The following NDOR1 variants were observed in gnomAD, a reference collection of about 807,000 sequenced individuals.
NDOR1 encodes the protein NADPH-dependent diflavin oxidoreductase 1.
Under a neutral mutation model 67.2 loss-of-function variants are expected in NDOR1, and 61 were observed. The ratio of observed to expected loss-of-function variants is 0.91; its 90% CI spans 0.74 to 1.12. The LOEUF is 1.12. NDOR1 is among the 50% of genes most tolerant of loss of function. The pLI, the probability that NDOR1 is intolerant of heterozygous loss-of-function variation, is 0.00. For missense variants in NDOR1, 878 were observed against 802.8 expected (o/e 1.09, Z -1.13); for synonymous variants, 378 against 343.7 (o/e 1.10, Z -1.10).
Position 137,212,965 on chromosome 9 carries a change from C to A in NDOR1, c.311+366C>A. 3.5e-6 allele frequency: 1 copy of A among 288,324 alleles called. No individual in the cohort carries two copies. The highest frequency in any genetic ancestry group is 6.7e-6 in the Non-Finnish European group (1 of 148,880). The allele number at this position is 288,324 out of a possible 1,614,324, so 17.9% of individuals were successfully genotyped here. ...CCCAGAGGCCACCTCTGCCTTTTCT[C>A]CTGGGCATTTTCACAGTGCTCCTCT... On this transcript the variant is annotated intron_variant, in intron 3 of 13. Transcript: ENST00000684003. The surrounding 1 kb of genome is among the most constrained non-coding windows in gnomAD (Gnocchi z 4.3).
chr9:137,211,908 C>T (rs1057192723), intron 2 of NDOR1, among the ~76,000 whole-genome samples: 4 of 152,078 alleles, frequency 2.6e-5, no homozygotes, highest in South Asian at 2.1e-4. Context: ...GGGAGGACAC[C>T]GTGGAAGGCA....
Position 137,205,750 on chromosome 9 carries a change from C to T in NDOR1, c.-28C>T, listed in dbSNP as rs749312179. 1 of 1,600,782 alleles carries T rather than the reference C, an allele frequency of 6.2e-7. No homozygotes were observed. The highest frequency in any genetic ancestry group is 1.1e-5 in the South Asian group (1 of 91,084). On this transcript the variant is annotated 5_prime_UTR_variant, in exon 1 of 14. Transcript: ENST00000684003. The stretch of plus-strand genomic sequence containing the variant: ...CGGGAACTGCCTTCTAGTTTTTAGT[C>T]TCAGACCAGACCACCGGGCGCACCC...
At position 137,216,307 on chromosome 9, in the gene NDOR1, C is replaced by T. The variant is rs767503630; in HGVS notation, c.1685C>T (p.Ala562Val). ...TCCATGCCAGCGGACGTCTCGGAAGCCCTGATGTCCATCTTCCAGGAGGAG... is the reference window on the plus strand; with the variant it reads ...TCCATGCCAGCGGACGTCTCGGAAGTCCTGATGTCCATCTTCCAGGAGGAG... The part of the protein sequence containing the change: ...AKSMPADVSE[A>V]LMSIFQEEGG... The change falls in exon 14 of 14, where the codon GCC becomes GTC. Residue 562 changes from alanine to valine, a missense_variant. By Grantham distance (64) the Ala-to-Val change is moderately conservative. Transcript: ENST00000684003. The T allele has an allele frequency of 2.3e-5, 37 of 1,612,318 alleles. No homozygotes were observed. Among genetic ancestry groups the T allele is most frequent in the Non-Finnish European group, 2.9e-5 (34 of 1,180,002 alleles).
chr9:137,216,376 T>C lies in NDOR1; in HGVS notation c.1754T>C (p.Leu585Pro). Residue 585 changes from leucine (L) to proline (P), a missense_variant, in exon 14 of 14, where the codon CTC becomes CCC. Physicochemically the swap from Leu to Pro is moderately conservative, Grantham distance 98. Coordinates refer to ENST00000684003, the MANE Select transcript of NDOR1 (RefSeq NM_014434.4). ...GACGCAGCCGCGTATCTAGCCAGGC[T>C]CCAGCAGACACGGCGCTTCCAGACA... ...SPDAAAYLARLQQTRRFQTET... is the reference protein window; with the variant it reads ...SPDAAAYLARPQQTRRFQTET... The C allele has an allele frequency of 6.2e-7, 1 of 1,607,488 alleles. No homozygotes were observed. The highest frequency in any genetic ancestry group is 8.5e-7 in the Non-Finnish European group (1 of 1,179,876).
chr9:137,215,795 G>C lies in NDOR1; in HGVS notation c.1425G>C (p.Gln475His). Residue 475 changes from glutamine (Q) to histidine (H), a missense_variant, in exon 11 of 14, where the codon CAG becomes CAC. By Grantham distance (24) the Gln-to-His change is conservative (BLOSUM62 0). Coordinates refer to ENST00000684003, the MANE Select transcript of NDOR1 (RefSeq NM_014434.4). ...CAGCCATCCAGGAGCGTGTGGCCCA[G>C]GGCCAGACTGGTGAGCACCCAGGGT... is the stretch of plus-strand genomic sequence containing the variant. Reference protein sequence around the residue: ...FRAAIQERVAQGQTGNFLFFG... With the variant: ...FRAAIQERVAHGQTGNFLFFG... 2 of 1,597,044 alleles carry C rather than the reference G, an allele frequency of 1.3e-6. No homozygotes were observed. The highest frequency in any genetic ancestry group is 1.3e-5 in the African/African-American group (1 of 74,780).
chr9:137,213,510 C>T lies in NDOR1; in HGVS notation c.312-270C>T, dbSNP rs369421240. On this transcript the variant is annotated intron_variant, in intron 3 of 13. Coordinates refer to ENST00000684003, the MANE Select transcript of NDOR1 (RefSeq NM_014434.4). ...TGAGGGCCCATCAGTGGGACGAGGC[C>T]GCCTGCTCCCACCCACACAGGCTCA... Among the ~76,000 whole-genome samples the T allele has an allele frequency of 7.9e-5, 12 of 152,294 alleles. No individual in the cohort carries two copies. The East Asian group carries it at 1.2e-3, about 15-fold the overall frequency.
At chr9:137,210,449 G>T (rs539051979) in intron 2 of NDOR1, among the ~76,000 whole-genome samples, 1 of 151,594 alleles carries the variant, frequency 6.6e-6, no homozygotes, top group East Asian at 1.9e-4. Flanking sequence ...GGCTCAAGCA[G>T]TCTGCCTGCC....
chr9:137,208,964 A>T (rs907619981), intron 2 of NDOR1, among the ~76,000 whole-genome samples: 1 of 152,084 alleles, frequency 6.6e-6, no homozygotes, highest in Non-Finnish European at 1.5e-5. Flanking sequence ...CACTGCAAGC[A>T]CTGCCTCCCG....
In NDOR1 at chr9:137,212,952, C is replaced by T. The variant is rs1007655694; in HGVS notation, c.311+353C>T. 3.4e-6 allele frequency: 1 copy of T among 296,916 alleles called. No homozygotes were observed. Among genetic ancestry groups the T allele is most frequent in the East Asian group, 7.7e-5 (1 of 13,030 alleles). 18.4% of individuals were successfully genotyped at this position (296,916 alleles called of 1,614,324 possible). ...ATGCTCCTGCCACCCCAGAGGCCAC[C>T]TCTGCCTTTTCTCCTGGGCATTTTC... On this transcript the variant is annotated intron_variant, in intron 3 of 13. Transcript: ENST00000684003. This position sits in a 1 kb window ranked among gnomAD's most constrained non-coding sequence, Gnocchi z 4.3.
Position 137,218,999 on chromosome 9 carries a change from A to C in NDOR1, c.*2583A>C. 5.2e-6 allele frequency: 1 copy of C among 190,578 alleles called. No individual in the cohort carries two copies. Among genetic ancestry groups the C allele is most frequent in the Non-Finnish European group, 1.1e-5 (1 of 93,976 alleles). 11.8% of individuals were successfully genotyped at this position (190,578 alleles called of 1,614,324 possible). ...GGCCAGCTGAGCACAGCAGGCATGA[A>C]AGCAAACAGAGATACAGCAGTGAGT... On this transcript the variant is annotated 3_prime_UTR_variant, in exon 14 of 14. Coordinates refer to ENST00000684003, the MANE Select transcript of NDOR1 (RefSeq NM_014434.4).
At position 137,212,637 on chromosome 9, in the gene NDOR1, T is replaced by TGACC. The variant is rs763319231; in HGVS notation, c.311+38_311+39insGACC. The TGACC allele has an allele frequency of 6.4e-7, 1 of 1,573,850 alleles. No individual in the cohort carries two copies. Among genetic ancestry groups the TGACC allele is most frequent in the East Asian group, 2.2e-5 (1 of 44,606 alleles). ...TGGGACAGTGGGCGGACGGAACAGT[T>TGACC]CTGGGGGTCGAGCAACAGGTGTGCT... On this transcript the variant is annotated intron_variant, in intron 3 of 13. Coordinates refer to ENST00000684003, the MANE Select transcript of NDOR1 (RefSeq NM_014434.4). The surrounding 1 kb of genome is among the most constrained non-coding windows in gnomAD (Gnocchi z 4.3).
At chr9:137,206,209 C>CGT (rs749079765) in intron 1 of NDOR1, 23 bp from the exon 2 acceptor site, 71 of 1,613,542 alleles carry the variant, frequency 4.4e-5, no homozygotes, top group Non-Finnish European at 5.8e-5. Flanking sequence ...GGAGGTCTTA[C>CGT]GTGTGTGTGT....
At position 137,216,449 on chromosome 9, in the gene NDOR1, C is replaced by A; in HGVS notation, c.*33C>A. ...GGCTGCCCGTGCCCCCTCTGACAGC[C>A]ATCCTCCTGGGAGCCCAGGAAGGCA... On this transcript the variant is annotated 3_prime_UTR_variant, in exon 14 of 14. Transcript: ENST00000684003. The A allele has an allele frequency of 6.3e-7, 1 of 1,581,064 alleles. No homozygotes were observed. The highest frequency in any genetic ancestry group is 8.6e-7 in the Non-Finnish European group (1 of 1,166,634).
rs1038110636 is a variant in NDOR1, at chr9:137,216,567, C to G, written c.*151C>G. On this transcript the variant is annotated 3_prime_UTR_variant, in exon 14 of 14. Transcript: ENST00000684003. ...GCCAGCTCCCGAGCACAGCCGCACT[C>G]CTGTTGACCCTGGATCCCACCCTTT... 9.9e-7 allele frequency: 1 copy of G among 1,011,640 alleles called. No individual in the cohort carries two copies. Among genetic ancestry groups the G allele is most frequent in the Non-Finnish European group, 1.4e-6 (1 of 711,582 alleles). 62.7% of individuals were successfully genotyped at this position (1,011,640 alleles called of 1,614,324 possible). A position where few individuals can be genotyped will look rare whatever the true frequency, so the allele number is the denominator to read the frequency against.
Position 137,213,693 on chromosome 9 carries a change from C to T in NDOR1, c.312-87C>T, listed in dbSNP as rs573433959. ...CCCTCCCCAGGCTCCACTCTTCGCC[C>T]GGGCTCCACTCTCCCGGGTTCCACT... On this transcript the variant is annotated intron_variant, in intron 3 of 13. Coordinates refer to ENST00000684003, the MANE Select transcript of NDOR1 (RefSeq NM_014434.4). 1.1e-4 allele frequency: 149 copies of T among 1,341,728 alleles called. No individual in the cohort carries two copies. In the East Asian group the frequency reaches 1.6e-3, roughly 14 times the overall value. The allele number at this position is 1,341,728 out of a possible 1,614,324, so 83.1% of individuals were successfully genotyped here. A position where few individuals can be genotyped will look rare whatever the true frequency, so the allele number is the denominator to read the frequency against.
chr9:137,214,800 G>A lies in NDOR1; in HGVS notation c.847G>A (p.Val283Ile), dbSNP rs1835455751. The A allele has an allele frequency of 6.2e-7, 1 of 1,601,946 alleles. No homozygotes were observed. The highest frequency in any genetic ancestry group is 1.3e-5 in the African/African-American group (1 of 74,982). The part of the protein sequence containing the change: ...LFMLQPREPD[V>I]SSPTRLPQPC... Reference sequence around the variant, plus strand: ...GAGGCCTCCCACTCACCCTGCAGATGTCTCCTCCCCCACGAGGCTGCCCCA... The same window carrying A: ...GAGGCCTCCCACTCACCCTGCAGATATCTCCTCCCCCACGAGGCTGCCCCA... Residue 283 changes from valine to isoleucine, a missense_variant and splice_region_variant, in exon 8 of 14, where the codon GTC (valine) becomes ATC (isoleucine). Coordinates refer to ENST00000684003, the MANE Select transcript of NDOR1 (RefSeq NM_014434.4).
In NDOR1 at chr9:137,214,474, A is replaced by G. The variant is rs368322055; in HGVS notation, c.722+61A>G. 156 of 1,611,176 alleles carry G rather than the reference A, an allele frequency of 9.7e-5. 1 individual carries two copies. In the African/African-American group the frequency reaches 1.2e-3, roughly 12 times the overall value. On this transcript the variant is annotated intron_variant, in intron 6 of 13. Coordinates refer to ENST00000684003, the MANE Select transcript of NDOR1 (RefSeq NM_014434.4). ...GGTGGGCCGTGGGTCTGGGGTTCGG[A>G]GGAGGCTGGGCCGGGCTGCAGGGGA...
chr9:137,206,403 T>G, intron 2 of NDOR1, 94 bp downstream of exon 2: 3 of 1,270,966 alleles, frequency 2.4e-6, no homozygotes, highest in Non-Finnish European at 3.4e-6. Context: ...ATAGCTCTCC[T>G]TTATCTCATG....
intron 2 of NDOR1, among the ~76,000 whole-genome samples, chr9:137,208,167 G>C (rs1588791551): frequency 7.5e-6 from 1 of 133,912 alleles, no homozygotes. Flanking sequence ...AAAAGAAAAA[G>C]AGCCGGGCAC....
Sources: allele counts gnomAD v4.1 joint callset (sites outside exome capture counted in the v4.1 genomes callset), GRCh38; gene constraint gnomAD v4.1.1; non-coding constraint Gnocchi (gnomAD v3.1); transcripts MANE v1.5; gene names NCBI Gene and HGNC (gene_info 2026-07-23, HGNC 2026-07-21).